Variants in DYNC1I1 observed in about 807,000 individuals in gnomAD.
The protein encoded by DYNC1I1 is cytoplasmic dynein 1 intermediate chain 1.
A neutral mutation model predicts 86.6 loss-of-function variants in DYNC1I1; 43 were observed. The ratio of observed to expected loss-of-function variants is 0.50; its 90% CI spans 0.39 to 0.64. The LOEUF (loss-of-function observed/expected upper bound fraction) is 0.64, where lower values mean the gene tolerates loss of function less well. Ranked by LOEUF, DYNC1I1 falls within the 30% of genes least tolerant of loss-of-function variation. DYNC1I1 has a pLI of 0.00. For missense variants in DYNC1I1, 604 were observed against 788.8 expected (o/e 0.77, Z 2.81); for synonymous variants, 262 against 283.7 (o/e 0.92, Z 0.77).
chr7:95,776,835 A>C (rs1179603537), intron 1 of DYNC1I1, among the ~76,000 whole-genome samples: 1 of 152,238 alleles, frequency 6.6e-6, no homozygotes, highest in East Asian at 1.9e-4. Flanking sequence ...TCCCCTGTGC[A>C]TAATCAGTGC....
At chr7:95,887,295 T>TCA (rs1209572106) in intron 6 of DYNC1I1, among the ~76,000 whole-genome samples, 3 of 152,178 alleles carry the variant, frequency 2.0e-5, no homozygotes, top group African/African-American at 7.2e-5. Context: ...AGATCACTGA[T>TCA]CTAATCAAAG....
intron 13 of DYNC1I1, among the ~76,000 whole-genome samples, chr7:96,037,390 G>T (rs1794951163): frequency 2.6e-5 from 4 of 152,156 alleles, no homozygotes; most frequent in African/African-American, 7.2e-5. Context: ...ATGTAAACCT[G>T]GTTTCTCTCT....
At chr7:95,904,133 T>C (rs763729262) in intron 6 of DYNC1I1, among the ~76,000 whole-genome samples, 4 of 152,190 alleles carry the variant, frequency 2.6e-5, no homozygotes, top group Non-Finnish European at 4.4e-5. Context: ...TTAGGGTATA[T>C]GGAGAAGTTT....
chr7:95,991,651 C>A (rs1167505446), intron 9 of DYNC1I1, among the ~76,000 whole-genome samples: 1 of 152,036 alleles, frequency 6.6e-6, no homozygotes, highest in Non-Finnish European at 1.5e-5. Flanking sequence ...GGAAGTTAGG[C>A]TTCTGTTGAC....
At chr7:96,072,680 A>G (rs983510408) in intron 14 of DYNC1I1, among the ~76,000 whole-genome samples, 3 of 152,198 alleles carry the variant, frequency 2.0e-5, no homozygotes, top group African/African-American at 7.2e-5. Flanking sequence ...GTAAAGCACA[A>G]GCAAGCTATA....
chr7:95,836,964 A>C (rs1358785293), intron 5 of DYNC1I1, among the ~76,000 whole-genome samples: 1 of 152,144 alleles, frequency 6.6e-6, no homozygotes, highest in Non-Finnish European at 1.5e-5. Flanking sequence ...TTCTTCTCTC[A>C]GCTCGTCAAG....
At chr7:95,913,377 C>T (rs75195395) in intron 6 of DYNC1I1, among the ~76,000 whole-genome samples, 1 of 152,054 alleles carries the variant, frequency 6.6e-6, no homozygotes, top group Non-Finnish European at 1.5e-5. Context: ...GCTGTGTCCC[C>T]ACCCAGATCT....
chr7:96,001,993 A>C (rs146228771), intron 10 of DYNC1I1, among the ~76,000 whole-genome samples: 227 of 152,186 alleles, frequency 1.5e-3, no homozygotes, highest in African/African-American at 5.2e-3. Flanking sequence ...TGGCATTTTT[A>C]TTTTTCTTGC....
chr7:96,097,305 T>C (rs951885491), intron 16 of DYNC1I1, among the ~76,000 whole-genome samples, 178 bp from the exon 17 acceptor site: 2 of 152,126 alleles, frequency 1.3e-5, no homozygotes, highest in Admixed American at 1.3e-4. Flanking sequence ...TCTTGTTAGT[T>C]TAAGAGCAAC....
At chr7:95,809,495 T>C (rs574203249) in intron 2 of DYNC1I1, among the ~76,000 whole-genome samples, 79 of 152,178 alleles carry the variant, frequency 5.2e-4, no homozygotes, top group Non-Finnish European at 9.0e-4. Context: ...CGTGATGTTA[T>C]CATGTTTCAG....
At chr7:96,026,186 C>T (rs896001583) in intron 10 of DYNC1I1, among the ~76,000 whole-genome samples, 3 of 152,082 alleles carry the variant, frequency 2.0e-5, no homozygotes, top group African/African-American at 4.8e-5. Context: ...GGGGCATGAG[C>T]ATGTTCTCCA....
chr7:95,986,666 A>G (rs55865053), intron 8 of DYNC1I1, among the ~76,000 whole-genome samples: 20,833 of 152,026 alleles, frequency 0.14, 1,650 homozygotes, highest in Non-Finnish European at 0.17. Flanking sequence ...GGTAGTATCG[A>G]TATCAAAGAA....
chr7:96,035,587 G>C, intron 12 of DYNC1I1, 32 bp from the exon 13 acceptor site: 1 of 1,550,024 alleles, frequency 6.5e-7, no homozygotes, highest in Non-Finnish European at 8.7e-7. Context: ...GGAGTTGACA[G>C]ATGGAAATGT....
intron 6 of DYNC1I1, among the ~76,000 whole-genome samples, chr7:95,920,424 G>T (rs1231900323): frequency 6.6e-6 from 1 of 152,154 alleles, no homozygotes. Context: ...TGGTACCCTG[G>T]ATAAGATCCT....
intron 6 of DYNC1I1, among the ~76,000 whole-genome samples, chr7:95,956,380 C>CTTTTTTTTTTTTTTT (rs57664357): frequency 7.1e-6 from 1 of 140,080 alleles, no homozygotes. Flanking sequence ...CTTTTTTTCT[C>CTTTTTTTTTTTTTTT]TTTTTTTTTT....
chr7:95,784,368 C>T (rs1456576834), intron 1 of DYNC1I1, among the ~76,000 whole-genome samples: 4 of 152,136 alleles, frequency 2.6e-5, no homozygotes, highest in Admixed American at 6.5e-5. Flanking sequence ...GTTAAAATGT[C>T]CATGTGCTTG....
chr7:95,819,505 T>C (rs962329057), intron 4 of DYNC1I1, among the ~76,000 whole-genome samples: 35 of 152,004 alleles, frequency 2.3e-4, no homozygotes, highest in African/African-American at 2.7e-4. Flanking sequence ...ACTTGACCCA[T>C]TTGGGTGAAA....
chr7:96,106,262 G>C (rs1021068800), intron 16 of DYNC1I1, among the ~76,000 whole-genome samples: 4 of 152,012 alleles, frequency 2.6e-5, no homozygotes, highest in African/African-American at 9.7e-5. Context: ...GGTGGGCACG[G>C]TGGCTCACAC....
chr7:95,961,351 A>C (rs1792862059), intron 6 of DYNC1I1, among the ~76,000 whole-genome samples: 1 of 152,178 alleles, frequency 6.6e-6, no homozygotes, highest in Non-Finnish European at 1.5e-5. Flanking sequence ...CAGTGAAAAA[A>C]CTAACCAAGG....
Sources: allele counts gnomAD v4.1 joint callset (sites outside exome capture counted in the v4.1 genomes callset), GRCh38; gene constraint gnomAD v4.1.1; transcripts MANE v1.5; gene names NCBI Gene and HGNC (gene_info 2026-07-23, HGNC 2026-07-21).